The following CDKN2AIP variants were observed in gnomAD, a reference collection of about 807,000 sequenced individuals.
CDKN2AIP encodes the protein CDKN2A-interacting protein.
A neutral mutation model predicts 44.1 loss-of-function variants in CDKN2AIP; 12 were observed. That is an observed-to-expected ratio of 0.27 (90% CI 0.17 to 0.44). CDKN2AIP has a LOEUF of 0.44. CDKN2AIP is among the 20% of genes least tolerant of loss of function. The pLI, the probability that CDKN2AIP is intolerant of heterozygous loss-of-function variation, is 1.00. For synonymous variants in CDKN2AIP, 291 were observed against 272.1 expected, an observed-to-expected ratio of 1.07 and a Z score of -0.68; for missense variants, 705 against 681.6, an observed-to-expected ratio of 1.03 and a Z score of -0.38.
In CDKN2AIP at chr4:183,448,161, G is replaced by C. The variant is rs1205323421; in HGVS notation, c.*734G>C. On this transcript the variant is annotated 3_prime_UTR_variant, in exon 3 of 3. Coordinates refer to ENST00000504169, the MANE Select transcript of CDKN2AIP (RefSeq NM_017632.4). ...TACTATTAACAGATTGATTTGTTTAGATATTAAATGCTTTAAGCTATTTTA... is the reference window on the plus strand; with the variant it reads ...TACTATTAACAGATTGATTTGTTTACATATTAAATGCTTTAAGCTATTTTA... 6.6e-6 allele frequency: 1 copy of C among 152,084 alleles called. No individual in the cohort carries two copies. 9.4% of individuals were successfully genotyped at this position (152,084 alleles called of 1,614,324 possible). A position where few individuals can be genotyped will look rare whatever the true frequency, so the allele number is the denominator to read the frequency against.
At position 183,445,872 on chromosome 4, in the gene CDKN2AIP, T is replaced by C; in HGVS notation, c.403+207T>C. On this transcript the variant is annotated intron_variant, in intron 2 of 2. Coordinates refer to ENST00000504169, the MANE Select transcript of CDKN2AIP (RefSeq NM_017632.4). ...GCTTTGACTGCTTTAGATTTTGAAG[T>C]GTCCACTGTTGTCTGATGCTGTTAT... The C allele has an allele frequency of 4.8e-6, 3 of 625,094 alleles. No homozygotes were observed. The Admixed American group carries it at 9.3e-5, about 19-fold the overall frequency. 38.7% of individuals were successfully genotyped at this position (625,094 alleles called of 1,614,324 possible). A position where few individuals can be genotyped will look rare whatever the true frequency, so the allele number is the denominator to read the frequency against.
rs1052752454 is a variant in CDKN2AIP, at chr4:183,448,617, T to C, written c.*1190T>C. Among the ~76,000 whole-genome samples the C allele has an allele frequency of 2.0e-5, 3 of 152,168 alleles. No homozygotes were observed. The highest frequency in any genetic ancestry group is 7.2e-5 in the African/African-American group (3 of 41,454). On this transcript the variant is annotated 3_prime_UTR_variant, in exon 3 of 3. Coordinates refer to ENST00000504169, the MANE Select transcript of CDKN2AIP (RefSeq NM_017632.4). ...TTTCTGGCTTTCTAGATTCTATTTT[T>C]AGATACTGCCCATTGAGCAATAATG...
In CDKN2AIP at chr4:183,448,564, A is replaced by T. The variant is rs548912558; in HGVS notation, c.*1137A>T. Among the ~76,000 whole-genome samples, 1 of 152,102 alleles carries T rather than the reference A, an allele frequency of 6.6e-6. No individual in the cohort carries two copies. The highest frequency in any genetic ancestry group is 1.5e-5 in the Non-Finnish European group (1 of 67,994). On this transcript the variant is annotated 3_prime_UTR_variant, in exon 3 of 3. Transcript: ENST00000504169. Reference sequence around the variant, plus strand: ...TGTATATTCTGTTTACTTTGCTTCAAACTGGCCCCAAGATGTTATTTTTGT... The same window carrying T: ...TGTATATTCTGTTTACTTTGCTTCATACTGGCCCCAAGATGTTATTTTTGT...
In CDKN2AIP at chr4:183,447,559, A is replaced by C. The variant is rs1218688315; in HGVS notation, c.*132A>C. Reference sequence around the variant, plus strand: ...CAGTTTTGCAGAAAATTTACATTCTAGTTCTCTTCACACAGTAGCAGTTGT... The same window carrying C: ...CAGTTTTGCAGAAAATTTACATTCTCGTTCTCTTCACACAGTAGCAGTTGT... On this transcript the variant is annotated 3_prime_UTR_variant, in exon 3 of 3. Transcript: ENST00000504169. 2 of 624,286 alleles carry C rather than the reference A, an allele frequency of 3.2e-6. No individual in the cohort carries two copies. Among genetic ancestry groups the C allele is most frequent in the Non-Finnish European group, 5.5e-6 (2 of 361,866 alleles). The allele number at this position is 624,286 out of a possible 1,614,324, so 38.7% of individuals were successfully genotyped here. A position where few individuals can be genotyped will look rare whatever the true frequency, so the allele number is the denominator to read the frequency against.
rs758251245 is a variant in CDKN2AIP at position 183,445,649 on chromosome 4, G to C, written c.387G>C (p.Gly129=). ...DELVAKVKKR[G]ISSSNEGVEE... is the part of the protein sequence containing the mutation. The stretch of plus-strand genomic sequence containing the variant: ...TGGTTGCCAAGGTGAAGAAAAGAGG[G>C]ATATCGAGTAGCAATGGTTAGCAGA... The change falls in exon 2 of 3, where the codon GGG becomes GGC. Residue 129 remains glycine (G), a synonymous_variant. Coordinates refer to ENST00000504169, the MANE Select transcript of CDKN2AIP (RefSeq NM_017632.4). The C allele has an allele frequency of 6.2e-7, 1 of 1,611,352 alleles. No homozygotes were observed. The highest frequency in any genetic ancestry group is 1.7e-5 in the Admixed American group (1 of 60,030).
Position 183,446,591 on chromosome 4 carries a change from T to C in CDKN2AIP, c.907T>C (p.Leu303=). The part of the protein sequence containing the change: ...LGSSGSSEVE[L]PLLSSKPSSE... ...CTCCTCAGGAAGCTCAGAGGTAGAA[T>C]TGCCACTATTGTCTTCCAAACCTAG... Residue 303 remains leucine, a synonymous_variant, in exon 3 of 3, where the codon TTG becomes CTG. Coordinates refer to ENST00000504169, the MANE Select transcript of CDKN2AIP (RefSeq NM_017632.4). The C allele has an allele frequency of 6.2e-7, 1 of 1,614,092 alleles. No homozygotes were observed. Among genetic ancestry groups the C allele is most frequent in the Non-Finnish European group, 8.5e-7 (1 of 1,179,970 alleles).
chr4:183,444,930 G>A lies in CDKN2AIP; in HGVS notation c.133G>A (p.Asp45Asn), dbSNP rs1733630374. The A allele has an allele frequency of 1.2e-6, 2 of 1,611,140 alleles. No individual in the cohort carries two copies. The highest frequency in any genetic ancestry group is 1.7e-6 in the Non-Finnish European group (2 of 1,178,926). ...GGATTTTTTGCTTCGCAACGCCGGG[G>A]ACCTGGCCCCCGCTGGCGGCGCTGC... ...RRDFLLRNAG[D>N]LAPAGGAASA... The change falls in exon 1 of 3, where the codon GAC (aspartate) becomes AAC (asparagine). Residue 45 changes from aspartate to asparagine, a missense_variant. Asp to Asn is a conservative substitution (Grantham distance 23). Transcript: ENST00000504169.
Position 183,448,339 on chromosome 4 carries a change from G to T in CDKN2AIP, c.*912G>T, listed in dbSNP as rs1030650787. ...TTTTTTACAGCAATCCCCTGAGCCA[G>T]AATAGATTAAAAGCGATTCCCTTCA... On this transcript the variant is annotated 3_prime_UTR_variant, in exon 3 of 3. Coordinates refer to ENST00000504169, the MANE Select transcript of CDKN2AIP (RefSeq NM_017632.4). The T allele has an allele frequency of 2.6e-5, 4 of 151,892 alleles. No individual in the cohort carries two copies. Among genetic ancestry groups the T allele is most frequent in the African/African-American group, 9.7e-5 (4 of 41,348 alleles). The allele number at this position is 151,892 out of a possible 1,614,324, so 9.4% of individuals were successfully genotyped here.
rs1445933753 is a variant in CDKN2AIP at position 183,444,745 on chromosome 4, G to T, written c.-53G>T. 5.5e-6 allele frequency: 8 copies of T among 1,464,178 alleles called. No individual in the cohort carries two copies. The South Asian group carries it at 9.7e-5, about 18-fold the overall frequency. 90.7% of individuals were successfully genotyped at this position (1,464,178 alleles called of 1,614,324 possible). On this transcript the variant is annotated 5_prime_UTR_variant, in exon 1 of 3. Coordinates refer to ENST00000504169, the MANE Select transcript of CDKN2AIP (RefSeq NM_017632.4). ...CCGCAGTGACAGGGCCGCTCGCCCC[G>T]CTAGTCCTGCCTGTCTCCCGGTGCA...
Position 183,449,039 on chromosome 4 carries a change from CAAAT to C in CDKN2AIP, c.*1617_*1620del, listed in dbSNP as rs1323581268. On this transcript the variant is annotated 3_prime_UTR_variant, in exon 3 of 3. Transcript: ENST00000504169. ...CAGAAAAGCAAAAAATTACAACGAACAAATAAATTTATATAATATATCCAATTAG... is the reference window on the plus strand; with the variant it reads ...CAGAAAAGCAAAAAATTACAACGAACAAATTTATATAATATATCCAATTAG... Among the ~76,000 whole-genome samples the C allele has an allele frequency of 2.0e-5, 3 of 152,042 alleles. No individual in the cohort carries two copies. The highest frequency in any genetic ancestry group is 1.9e-4 in the East Asian group (1 of 5,194).
At position 183,445,930 on chromosome 4, in the gene CDKN2AIP, A is replaced by G. The variant is rs1329781775; in HGVS notation, c.404-158A>G. The G allele has an allele frequency of 4.4e-6, 3 of 676,112 alleles. No individual in the cohort carries two copies. In the African/African-American group the frequency reaches 5.4e-5, roughly 12 times the overall value. 41.9% of individuals were successfully genotyped at this position (676,112 alleles called of 1,614,324 possible). A position where few individuals can be genotyped will look rare whatever the true frequency, so the allele number is the denominator to read the frequency against. On this transcript the variant is annotated intron_variant, in intron 2 of 2. Transcript: ENST00000504169. ...ATATTAGACATTCATGATGTTATTC[A>G]ACACTGTTTTAAGAAATTAATGACT... is the stretch of plus-strand genomic sequence containing the variant.
Position 183,444,727 on chromosome 4 carries a change from G to C in CDKN2AIP, c.-71G>C. 5.6e-6 allele frequency: 8 copies of C among 1,432,324 alleles called. No homozygotes were observed. In the South Asian group the frequency reaches 1.2e-4, roughly 21 times the overall value. The allele number at this position is 1,432,324 out of a possible 1,614,324, so 88.7% of individuals were successfully genotyped here. On this transcript the variant is annotated 5_prime_UTR_variant, in exon 1 of 3. Coordinates refer to ENST00000504169, the MANE Select transcript of CDKN2AIP (RefSeq NM_017632.4). ...GAGGGCCGCGGGTGCAGGCCGCAGT[G>C]ACAGGGCCGCTCGCCCCGCTAGTCC...
chr4:183,445,528 T>G lies in CDKN2AIP; in HGVS notation c.273-7T>G. The G allele has an allele frequency of 1.2e-6, 2 of 1,609,036 alleles. No individual in the cohort carries two copies. The highest frequency in any genetic ancestry group is 1.7e-6 in the Non-Finnish European group (2 of 1,176,064). On this transcript the variant is annotated splice_polypyrimidine_tract_variant and splice_region_variant and intron_variant, in intron 1 of 2. Transcript: ENST00000504169. ...CTTTTTAAAAATGACTTTTCCTTCTTTTTCAGATACCCTCAAAAAGTTATG... is the reference window on the plus strand; with the variant it reads ...CTTTTTAAAAATGACTTTTCCTTCTGTTTCAGATACCCTCAAAAAGTTATG...
In CDKN2AIP at chr4:183,447,298, A is replaced by G. The variant is rs765573696; in HGVS notation, c.1614A>G (p.Lys538=). ...AAGCATTGAAGTTATTTCTCAAGAA[A>G]AAGGTGGTGGTAAAAATATGTAAAA... is the stretch of plus-strand genomic sequence containing the variant. ...SREALKLFLK[K]KVVVKICKRK... The change falls in exon 3 of 3, where the codon AAA becomes AAG. Residue 538 remains lysine (K), a synonymous_variant. Coordinates refer to ENST00000504169, the MANE Select transcript of CDKN2AIP (RefSeq NM_017632.4). The G allele has an allele frequency of 1.4e-5, 23 of 1,612,562 alleles. No homozygotes were observed. Among genetic ancestry groups the G allele is most frequent in the Non-Finnish European group, 1.9e-5 (23 of 1,179,662 alleles).
intron 2 of CDKN2AIP, 59 bp from the exon 3 acceptor site, chr4:183,446,029 C>G: frequency 1.5e-6 from 2 of 1,345,550 alleles, no homozygotes; most frequent in Non-Finnish European, 2.1e-6. Context: ...GTATTTGTCT[C>G]ATCACCCGTT....
chr4:183,445,814 A>G, intron 2 of CDKN2AIP, 149 bp downstream of exon 2: 1 of 691,252 alleles, frequency 1.4e-6, no homozygotes, highest in Non-Finnish European at 2.4e-6. Flanking sequence ...TAAAGTATAT[A>G]TCTGTGTCTT....
intron 2 of CDKN2AIP, 83 bp from the exon 3 acceptor site, chr4:183,446,005 C>A: frequency 8.8e-7 from 1 of 1,133,386 alleles, no homozygotes; most frequent in Non-Finnish European, 1.3e-6. Context: ...CACTTTGTGC[C>A]TTTATTTTAA....
intron 1 of CDKN2AIP, 182 bp downstream of exon 1, chr4:183,445,251 C>A: frequency 4.1e-6 from 3 of 734,216 alleles, no homozygotes; most frequent in East Asian, 2.8e-5. Flanking sequence ...CGACATGATT[C>A]CCGGACGTCT....
At chr4:183,445,128 G>C (rs1733638374) in intron 1 of CDKN2AIP, 59 bp downstream of exon 1, 3 of 1,513,770 alleles carry the variant, frequency 2.0e-6, no homozygotes, top group Admixed American at 4.2e-5. Context: ...CTGCAGACCG[G>C]GGCCCGGCGC....
Sources: allele counts gnomAD v4.1 joint callset (sites outside exome capture counted in the v4.1 genomes callset), GRCh38; gene constraint gnomAD v4.1.1; transcripts MANE v1.5; gene names NCBI Gene and HGNC (gene_info 2026-07-23, HGNC 2026-07-21).